The following PTPRG variants were observed in gnomAD, a reference collection of about 807,000 sequenced individuals.
The protein encoded by PTPRG is receptor-type tyrosine-protein phosphatase gamma.
In PTPRG, 102 loss-of-function variants were observed where a neutral mutation model predicts 165.3. That is an observed-to-expected ratio of 0.62 (90% CI 0.53 to 0.73). The LOEUF is 0.73. Ranked by LOEUF, PTPRG falls within the 30% of genes least tolerant of loss-of-function variation. The pLI, the probability that PTPRG is intolerant of heterozygous loss-of-function variation, is 0.00. For missense variants in PTPRG, 1,866 were observed against 1,861.4 expected (o/e 1.00, Z -0.05); for synonymous variants, 675 against 669.5 (o/e 1.01, Z -0.13).
chr3:61,608,043 C>T (rs963184445), intron 1 of PTPRG, among the ~76,000 whole-genome samples: 1 of 152,084 alleles, frequency 6.6e-6, no homozygotes, highest in South Asian at 2.1e-4. Context: ...TTTATTACTG[C>T]ATGAGGGCTG....
At chr3:62,063,206 A>G (rs199578505) in intron 4 of PTPRG, among the ~76,000 whole-genome samples, 1 of 152,190 alleles carries the variant, frequency 6.6e-6, no homozygotes, top group East Asian at 1.9e-4. Flanking sequence ...CCACTCCATC[A>G]TATGTTTTCT....
intron 11 of PTPRG, 114 bp downstream of exon 11, chr3:62,201,668 GT>G: frequency 1.1e-6 from 1 of 870,682 alleles, no homozygotes; most frequent in Non-Finnish European, 1.7e-6. Context: ...GTGTAAAGCG[GT>G]TATAGTAGAG....
chr3:61,624,870 A>G (rs1285047587), intron 1 of PTPRG, among the ~76,000 whole-genome samples: 1 of 152,084 alleles, frequency 6.6e-6, no homozygotes, highest in Non-Finnish European at 1.5e-5. Context: ...AGGACCACAA[A>G]CTGGGAGGCT....
chr3:61,562,116 G>GGGGGGGGGGGGGGGCCCC lies in PTPRG; in HGVS notation c.-172_-171insGGGGGGGGGGGGGGCCCC. 1 of 588,156 alleles carries GGGGGGGGGGGGGGGCCCC rather than the reference G, an allele frequency of 1.7e-6. No homozygotes were observed. Among genetic ancestry groups the GGGGGGGGGGGGGGGCCCC allele is most frequent in the Non-Finnish European group, 3.0e-6 (1 of 331,002 alleles). 36.4% of individuals were successfully genotyped at this position (588,156 alleles called of 1,614,324 possible). On this transcript the variant is annotated 5_prime_UTR_variant, in exon 1 of 30. Coordinates refer to ENST00000474889, the MANE Select transcript of PTPRG (RefSeq NM_002841.4). Reference sequence around the variant, plus strand: ...GTCACTTTTTGAGATTTTCCGGGGGGCGCTCGGCGGCTTCCCGGATTCCAA... The same window carrying GGGGGGGGGGGGGGGCCCC: ...GTCACTTTTTGAGATTTTCCGGGGGGGGGGGGGGGGGGGGCCCCCGCTCGGCGGCTTCCCGGATTCCAA...
intron 4 of PTPRG, among the ~76,000 whole-genome samples, chr3:62,055,406 C>T (rs956931491): frequency 5.9e-5 from 9 of 152,190 alleles, no homozygotes; most frequent in Middle Eastern, 3.2e-3. Flanking sequence ...GCTTGTAACA[C>T]GGACTAGTCA....
intron 1 of PTPRG, among the ~76,000 whole-genome samples, chr3:61,651,583 A>G (rs892224669): frequency 5.3e-5 from 8 of 152,184 alleles, no homozygotes; most frequent in Non-Finnish European, 2.9e-5. Context: ...TTGAGCTTGA[A>G]GCTAAGCAAT....
intron 2 of PTPRG, among the ~76,000 whole-genome samples, chr3:61,762,027 CTCT>C (rs141523851): frequency 0.078 from 11,885 of 152,148 alleles, 588 homozygotes; most frequent in South Asian, 0.19. Context: ...AAATATGAAG[CTCT>C]TCTTGGCTGT....
At chr3:61,667,570 T>A in intron 1 of PTPRG, among the ~76,000 whole-genome samples, 1 of 152,190 alleles carries the variant, frequency 6.6e-6, no homozygotes, top group Non-Finnish European at 1.5e-5. Context: ...GAGGCTCTAT[T>A]AGGCCTGACT....
chr3:61,599,252 C>T (rs1355986556), intron 1 of PTPRG, among the ~76,000 whole-genome samples: 1 of 152,130 alleles, frequency 6.6e-6, no homozygotes, highest in East Asian at 1.9e-4. Flanking sequence ...CAGGTTCAAG[C>T]GATTCTCCTG....
chr3:61,805,877 G>A (rs893109933), intron 2 of PTPRG, among the ~76,000 whole-genome samples: 2 of 152,158 alleles, frequency 1.3e-5, no homozygotes, highest in Non-Finnish European at 2.9e-5. Context: ...CAGGGAGATG[G>A]ATTTACAAAT....
intron 7 of PTPRG, among the ~76,000 whole-genome samples, chr3:62,167,262 A>G (rs1705025610): frequency 6.6e-6 from 1 of 152,144 alleles, no homozygotes; most frequent in Non-Finnish European, 1.5e-5. Flanking sequence ...CCGATTACCC[A>G]TCTGGTAAAT....
chr3:61,815,434 T>C (rs1332946113), intron 2 of PTPRG, among the ~76,000 whole-genome samples: 2 of 151,790 alleles, frequency 1.3e-5, no homozygotes, highest in Non-Finnish European at 2.9e-5. Context: ...ATAAAAGAAA[T>C]CTTATTGTTT....
In PTPRG at chr3:62,210,455, CTT is replaced by C. The variant is rs1005187222; in HGVS notation, c.2155+6507_2155+6508del. Among the ~76,000 whole-genome samples, 3 of 152,130 alleles carry C rather than the reference CTT, an allele frequency of 2.0e-5. No individual in the cohort carries two copies. Among genetic ancestry groups the C allele is most frequent in the African/African-American group, 7.2e-5 (3 of 41,438 alleles). ...GCAGAAATGTGGAAAGAAGGGAACC[CTT>C]TGTGCACTGCTAGTGGGAATGTAAA... On this transcript the variant is annotated intron_variant, in intron 12 of 29. Coordinates refer to ENST00000474889, the MANE Select transcript of PTPRG (RefSeq NM_002841.4). This position sits in a 1 kb window ranked among gnomAD's most constrained non-coding sequence, Gnocchi z 4.1.
intron 2 of PTPRG, among the ~76,000 whole-genome samples, chr3:61,853,873 G>T (rs1279259827): frequency 2.0e-5 from 3 of 152,220 alleles, no homozygotes; most frequent in Admixed American, 2.0e-4. Context: ...ACATGACCCA[G>T]GTCTGGTCAT....
intron 1 of PTPRG, 33 bp from the exon 2 acceptor site, chr3:61,748,845 C>T: frequency 1.3e-6 from 2 of 1,577,202 alleles, no homozygotes; most frequent in South Asian, 1.1e-5. Context: ...GGGGTGCTGC[C>T]TTTGTCTCAT....
intron 2 of PTPRG, among the ~76,000 whole-genome samples, chr3:61,807,505 C>T (rs1352338855): frequency 6.6e-6 from 1 of 152,140 alleles, no homozygotes; most frequent in East Asian, 1.9e-4. Flanking sequence ...TGTATTTTAA[C>T]ATTGTGGTCA....
At chr3:62,034,336 C>A (rs1699872148) in intron 4 of PTPRG, among the ~76,000 whole-genome samples, 1 of 152,224 alleles carries the variant, frequency 6.6e-6, no homozygotes, top group African/African-American at 2.4e-5. Flanking sequence ...CACTGGAAAC[C>A]TGCGGTGTTG....
chr3:61,923,972 C>T (rs1400719880), intron 2 of PTPRG, among the ~76,000 whole-genome samples: 1 of 152,202 alleles, frequency 6.6e-6, no homozygotes, highest in Non-Finnish European at 1.5e-5. Context: ...ATACTATTTG[C>T]TATAAGACAA....
At chr3:61,674,597 G>A (rs1672964546) in intron 1 of PTPRG, among the ~76,000 whole-genome samples, 1 of 149,688 alleles carries the variant, frequency 6.7e-6, no homozygotes, top group Non-Finnish European at 1.5e-5. Flanking sequence ...TTCGATTGAT[G>A]TGCTGCTGAC....
Sources: gnomAD v4.1 joint callset for allele counts (sites outside exome capture counted in the v4.1 genomes callset) on GRCh38, gnomAD v4.1.1 for gene constraint, Gnocchi (gnomAD v3.1) non-coding constraint, MANE v1.5 for transcripts, NCBI Gene and HGNC (gene_info 2026-07-23, HGNC 2026-07-21) for gene names.